SEC22C: variants seen among roughly 807,000 people sequenced by gnomAD.
SEC22C encodes the protein vesicle-trafficking protein SEC22c.
A neutral mutation model predicts 34.7 loss-of-function variants in SEC22C; 29 were observed. The ratio of observed to expected loss-of-function variants is 0.84; its 90% confidence interval spans 0.62 to 1.14. The LOEUF (loss-of-function observed/expected upper bound fraction) is 1.14, where lower values mean the gene tolerates loss of function less well. Ranked by LOEUF, SEC22C falls within the 50% of genes most tolerant of loss-of-function variation. The pLI is 0.00. For synonymous variants in SEC22C, 117 were observed against 132.8 expected (o/e 0.88, Z 0.82); for missense variants, 337 against 369.0 (o/e 0.91, Z 0.71).
At chr3:42,566,896 G>C in intron 2 of SEC22C, 1 of 279,046 alleles carries the variant, frequency 3.6e-6, no homozygotes, top group Non-Finnish European at 7.6e-6. Context: ...TACTTGGGAG[G>C]CTATCTATCA....
intron 1 of SEC22C, among the ~76,000 whole-genome samples, chr3:42,599,846 T>C (rs1290571341): frequency 2.0e-5 from 3 of 152,206 alleles, no homozygotes; most frequent in African/African-American, 7.2e-5. Context: ...AAAACATATA[T>C]GAGAACACAG....
chr3:42,559,532 G>A (rs1702745060), intron 4 of SEC22C, among the ~76,000 whole-genome samples: 1 of 152,140 alleles, frequency 6.6e-6, no homozygotes, highest in African/African-American at 2.4e-5. Flanking sequence ...TTATTGACTG[G>A]AATGAGAGCC....
intron 3 of SEC22C, among the ~76,000 whole-genome samples, chr3:42,562,547 T>A (rs1333295068): frequency 1.3e-5 from 2 of 152,174 alleles, no homozygotes; most frequent in East Asian, 3.8e-4. Flanking sequence ...TGAAGGAATG[T>A]GAGGGCTATG....
At chr3:42,587,114 C>A (rs1704638217) in intron 1 of SEC22C, among the ~76,000 whole-genome samples, 2 of 152,184 alleles carry the variant, frequency 1.3e-5, no homozygotes, top group Non-Finnish European at 2.9e-5. Context: ...TTGTAGCAGC[C>A]TTGTCACTGT....
chr3:42,556,064 C>T, intron 5 of SEC22C, 69 bp from the exon 6 acceptor site: 1 of 1,203,410 alleles, frequency 8.3e-7, no homozygotes, highest in Non-Finnish European at 1.2e-6. Flanking sequence ...ACATAAAGCA[C>T]TTTACTCTGC....
chr3:42,549,035 T>C lies in SEC22C; in HGVS notation c.*4213A>G, dbSNP rs770135584. 1.0e-5 allele frequency: 10 copies of C among 988,826 alleles called. No homozygotes were observed. The highest frequency in any genetic ancestry group is 5.1e-5 in the Admixed American group (1 of 19,788). The allele number at this position is 988,826 out of a possible 1,614,324, so 61.3% of individuals were successfully genotyped here. A position where few individuals can be genotyped will look rare whatever the true frequency, so the allele number is the denominator to read the frequency against. On this transcript the variant is annotated 3_prime_UTR_variant, in exon 7 of 7. Transcript: ENST00000264454. ...GGGCAGTGATTTGTGCACTGCGACA[T>C]AGGACTCAGTGAAGAGCCTAGCCAG...
At chr3:42,563,146 G>A (rs1049187062) in intron 3 of SEC22C, among the ~76,000 whole-genome samples, 3 of 152,312 alleles carry the variant, frequency 2.0e-5, no homozygotes, top group African/African-American at 7.2e-5. Context: ...GCTGTCGTGG[G>A]GCAAAAGCAG....
chr3:42,580,287 C>T (rs1704248059), intron 1 of SEC22C, among the ~76,000 whole-genome samples: 2 of 152,188 alleles, frequency 1.3e-5, no homozygotes, highest in South Asian at 4.1e-4. Context: ...GAGATGACTG[C>T]ACCTTGCAAA....
chr3:42,561,362 C>A (rs541938720), intron 3 of SEC22C, 66 bp from the exon 4 acceptor site: 1 of 1,504,032 alleles, frequency 6.6e-7, no homozygotes, highest in Non-Finnish European at 9.2e-7. Context: ...ACAATACGTA[C>A]AAAATGAAGT....
At chr3:42,578,416 G>A (rs1471661180) in intron 1 of SEC22C, among the ~76,000 whole-genome samples, 2 of 152,150 alleles carry the variant, frequency 1.3e-5, no homozygotes, top group Non-Finnish European at 2.9e-5. Flanking sequence ...GTTAGGGATG[G>A]TAGAGAGGAA....
At chr3:42,575,513 T>C (rs1410011066) in intron 1 of SEC22C, among the ~76,000 whole-genome samples, 2 of 152,004 alleles carry the variant, frequency 1.3e-5, no homozygotes, top group Admixed American at 1.3e-4. Flanking sequence ...GTGAAGAAAA[T>C]GTCCAGGAAC....
intron 1 of SEC22C, among the ~76,000 whole-genome samples, chr3:42,570,396 CA>C (rs1703544238): frequency 2.6e-5 from 4 of 152,094 alleles, no homozygotes; most frequent in Admixed American, 6.5e-5. Context: ...TTTCCACTAC[CA>C]AAATATAAGT....
intron 1 of SEC22C, among the ~76,000 whole-genome samples, chr3:42,589,258 G>T (rs1704729476): frequency 6.6e-6 from 1 of 151,794 alleles, no homozygotes; most frequent in African/African-American, 2.4e-5. Flanking sequence ...GACAGAGCGA[G>T]ACTCTGTCTC....
At chr3:42,555,806 T>G in intron 6 of SEC22C, 124 bp downstream of exon 6, 2 of 779,884 alleles carry the variant, frequency 2.6e-6, no homozygotes, top group Non-Finnish European at 4.4e-6. Context: ...CTTGGTATTG[T>G]CCATGATGTG....
At chr3:42,571,529 G>C (rs187460239) in intron 1 of SEC22C, among the ~76,000 whole-genome samples, 1 of 152,276 alleles carries the variant, frequency 6.6e-6, no homozygotes, top group East Asian at 1.9e-4. Flanking sequence ...GGCTGCCACG[G>C]AAGAGTATAA....
At chr3:42,600,739 T>G (rs1319170493) in intron 1 of SEC22C, 3 of 326,608 alleles carry the variant, frequency 9.2e-6, no homozygotes, top group African/African-American at 6.5e-5. Context: ...GTGCTTTCTC[T>G]TCTGCTCACG....
At chr3:42,553,539 G>A in intron 6 of SEC22C, 91 bp from the exon 7 acceptor site, 1 of 1,503,424 alleles carries the variant, frequency 6.7e-7, no homozygotes, top group Non-Finnish European at 8.9e-7. Context: ...TCCATGAAGA[G>A]TGTCATTTCT....
intron 1 of SEC22C, among the ~76,000 whole-genome samples, chr3:42,572,643 C>G (rs1273683024): frequency 6.6e-6 from 1 of 152,182 alleles, no homozygotes; most frequent in Non-Finnish European, 1.5e-5. Context: ...ATAAGACAGT[C>G]CCTTGCTTCC....
chr3:42,572,628 CAG>C (rs1703716431), intron 1 of SEC22C, among the ~76,000 whole-genome samples: 1 of 152,142 alleles, frequency 6.6e-6, no homozygotes, highest in Non-Finnish European at 1.5e-5. Context: ...TTCCATTGGG[CAG>C]TAATAAGACA....
Sources: gnomAD v4.1 joint callset for allele counts (sites outside exome capture counted in the v4.1 genomes callset) on GRCh38, gnomAD v4.1.1 for gene constraint, MANE v1.5 for transcripts, NCBI Gene and HGNC (gene_info 2026-07-23, HGNC 2026-07-21) for gene names.